The following ME3 variants were observed in gnomAD, a reference collection of about 807,000 sequenced individuals.
ME3 encodes NADP-dependent malic enzyme, mitochondrial.
ME3 carries 48 observed loss-of-function variants against 68.9 expected under a neutral mutation model. The observed-to-expected ratio is 0.70, with a 90% CI of 0.55 to 0.89. The LOEUF (loss-of-function observed/expected upper bound fraction) is 0.89. Among genes scored for constraint, ME3 ranks in the 40% least tolerant of loss-of-function variants. ME3 has a pLI of 0.00. For missense variants in ME3, 675 were observed against 797.4 expected (o/e 0.85, Z 1.85); for synonymous variants, 320 against 318.8 (o/e 1.00, Z -0.04).
At chr11:86,456,670 G>C (rs1222288060) in intron 8 of ME3, among the ~76,000 whole-genome samples, 2 of 151,760 alleles carry the variant, frequency 1.3e-5, no homozygotes, top group Non-Finnish European at 2.9e-5. Context: ...GAGGCAGAGG[G>C]AAGTGAACTT....
At chr11:86,461,279 C>G (rs1238977928) in intron 8 of ME3, among the ~76,000 whole-genome samples, 2 of 152,126 alleles carry the variant, frequency 1.3e-5, no homozygotes. Context: ...TCAGTTTCCT[C>G]ATTAGTGACG....
At chr11:86,516,986 C>G (rs889598170) in intron 4 of ME3, among the ~76,000 whole-genome samples, 1 of 152,090 alleles carries the variant, frequency 6.6e-6, no homozygotes, top group Non-Finnish European at 1.5e-5. Context: ...AAAAATTGCA[C>G]GGAGTACCTG....
chr11:86,449,831 C>T, intron 10 of ME3, 58 bp downstream of exon 10: 2 of 1,308,912 alleles, frequency 1.5e-6, no homozygotes, highest in Non-Finnish European at 2.2e-6. Context: ...CTCTTCCAGT[C>T]CAGTTCCTGG....
At chr11:86,590,470 C>T (rs1429817892) in intron 2 of ME3, among the ~76,000 whole-genome samples, 1 of 152,172 alleles carries the variant, frequency 6.6e-6, no homozygotes, top group East Asian at 1.9e-4. Flanking sequence ...GTGGGGAAAG[C>T]TTCACAGAAA....
At chr11:86,499,331 T>C (rs367591195) in intron 5 of ME3, among the ~76,000 whole-genome samples, 1 of 151,908 alleles carries the variant, frequency 6.6e-6, no homozygotes, top group Non-Finnish European at 1.5e-5. Context: ...AGGGTAACGG[T>C]GAAGTTGTTT....
At chr11:86,521,412 ACAAAACAAAAC>A (rs1565893837) in intron 4 of ME3, among the ~76,000 whole-genome samples, 9,918 of 138,496 alleles carry the variant, frequency 0.072, 455 homozygotes, top group Middle Eastern at 0.11. Flanking sequence ...AACAAACAAA[ACAAAACAAAAC>A]AAAACAAAAA....
At chr11:86,521,522 T>C (rs532777626) in intron 4 of ME3, among the ~76,000 whole-genome samples, 3 of 151,940 alleles carry the variant, frequency 2.0e-5, no homozygotes, top group South Asian at 2.1e-4. Context: ...AAATAATACA[T>C]GTACAAAGTC....
chr11:86,516,868 G>A (rs1953938538), intron 4 of ME3, among the ~76,000 whole-genome samples: 2 of 152,116 alleles, frequency 1.3e-5, no homozygotes, highest in African/African-American at 2.4e-5. Context: ...GCTAGTGCTT[G>A]GTCATCAGGG....
chr11:86,577,317 A>C (rs1303110568), intron 2 of ME3, among the ~76,000 whole-genome samples: 2 of 152,142 alleles, frequency 1.3e-5, no homozygotes, highest in Non-Finnish European at 2.9e-5. Flanking sequence ...TCCTCACAGC[A>C]CTCTGCTGAA....
chr11:86,553,496 T>A (rs540817337), intron 4 of ME3, among the ~76,000 whole-genome samples: 4,231 of 152,254 alleles, frequency 0.028, 186 homozygotes, highest in African/African-American at 0.096. Context: ...GAGCCCAAAC[T>A]TTTATTTCCC....
At chr11:86,591,121 T>C (rs1194894696) in intron 2 of ME3, among the ~76,000 whole-genome samples, 1 of 152,172 alleles carries the variant, frequency 6.6e-6, no homozygotes, top group African/African-American at 2.4e-5. Context: ...GCATTTATAC[T>C]GGAATCCTAA....
intron 2 of ME3, among the ~76,000 whole-genome samples, chr11:86,668,788 G>A (rs144716307): frequency 5.9e-5 from 9 of 152,268 alleles, no homozygotes; most frequent in Non-Finnish European, 1.0e-4. Flanking sequence ...CTAATCTGTC[G>A]AAATGAGCTG....
chr11:86,534,221 A>G (rs916599380), intron 4 of ME3, among the ~76,000 whole-genome samples: 2 of 152,090 alleles, frequency 1.3e-5, no homozygotes, highest in African/African-American at 4.8e-5. Flanking sequence ...CCAGGACATT[A>G]CTGTATACTA....
intron 2 of ME3, among the ~76,000 whole-genome samples, chr11:86,593,379 A>G (rs1424893616): frequency 1.4e-5 from 2 of 146,710 alleles, no homozygotes; most frequent in African/African-American, 5.0e-5. Context: ...CACATGCTGC[A>G]AGAATAGTAA....
chr11:86,515,415 A>AG (rs1426149740), intron 4 of ME3, among the ~76,000 whole-genome samples: 3 of 152,180 alleles, frequency 2.0e-5, no homozygotes, highest in Non-Finnish European at 4.4e-5. Flanking sequence ...ATTAGAACAC[A>AG]GGGCTCTTAG....
chr11:86,653,768 C>A lies in ME3; in HGVS notation c.183+17994G>T, dbSNP rs189132259. Among the ~76,000 whole-genome samples, 185 of 151,982 alleles carry A rather than the reference C, an allele frequency of 1.2e-3. 2 individuals carry two copies. Among genetic ancestry groups the A allele is most frequent in the Middle Eastern group, 3.4e-3 (1 of 294 alleles). ...ATCAGAGCTGAACTGAAGGAGAGAG[C>A]GACACAAAAATCCCTTCAAAAAATC... On this transcript the variant is annotated intron_variant, in intron 2 of 14. Transcript: ENST00000543262.
At chr11:86,648,124 A>G (rs1945152484) in intron 2 of ME3, among the ~76,000 whole-genome samples, 1 of 152,264 alleles carries the variant, frequency 6.6e-6, no homozygotes, top group African/African-American at 2.4e-5. Flanking sequence ...CTGCAGAACT[A>G]CATGGAAACT....
At chr11:86,518,444 TCCC>T (rs1304342268) in intron 4 of ME3, among the ~76,000 whole-genome samples, 1 of 152,148 alleles carries the variant, frequency 6.6e-6, no homozygotes, top group Non-Finnish European at 1.5e-5. Context: ...TTCCAGTGAC[TCCC>T]CTAGGAAATT....
intron 5 of ME3, among the ~76,000 whole-genome samples, chr11:86,500,332 T>G (rs1446038680): frequency 6.6e-6 from 1 of 152,250 alleles, no homozygotes; most frequent in African/African-American, 2.4e-5. Context: ...CAGGGCTCTG[T>G]AGTGGCACTC....
Sources: gnomAD v4.1 joint callset for allele counts (sites outside exome capture counted in the v4.1 genomes callset) on GRCh38, gnomAD v4.1.1 for gene constraint, MANE v1.5 for transcripts, NCBI Gene and HGNC (gene_info 2026-07-23, HGNC 2026-07-21) for gene names.